The following CSMD1 variants were observed in gnomAD, a reference collection of about 807,000 sequenced individuals.
CSMD1 encodes CUB and Sushi multiple domains 1.
In CSMD1, 213 loss-of-function variants were observed where a neutral mutation model predicts 417.5. That is an observed-to-expected ratio of 0.51 (90% CI 0.46 to 0.57). The LOEUF (loss-of-function observed/expected upper bound fraction) is 0.57, where lower values mean the gene tolerates loss of function less well. Among genes scored for constraint, CSMD1 ranks in the 20% least tolerant of loss-of-function variants. CSMD1 has a pLI of 0.00. For missense variants in CSMD1, 6,923 were observed against 4,529.7 expected, an observed-to-expected ratio of 1.53 and a Z score of -15.17; for synonymous variants, 2,862 against 1,736.8, an observed-to-expected ratio of 1.65 and a Z score of -16.11.
chr8:3,772,015 T>C (rs1280411498), intron 5 of CSMD1, among the ~76,000 whole-genome samples: 1 of 151,902 alleles, frequency 6.6e-6, no homozygotes, highest in African/African-American at 2.4e-5. Flanking sequence ...TACCCTCCTT[T>C]GAAATGGATC....
intron 36 of CSMD1, among the ~76,000 whole-genome samples, chr8:3,184,728 T>A (rs1821637310): frequency 6.6e-6 from 1 of 152,210 alleles, no homozygotes; most frequent in South Asian, 2.1e-4. Context: ...ATGGGGAAAT[T>A]TAATCTTTAC....
At chr8:3,215,504 G>A (rs961951777) in intron 29 of CSMD1, among the ~76,000 whole-genome samples, 4 of 152,170 alleles carry the variant, frequency 2.6e-5, no homozygotes, top group Non-Finnish European at 5.9e-5. Flanking sequence ...AAAACTCAAG[G>A]AAAGTTAAGT....
intron 46 of CSMD1, among the ~76,000 whole-genome samples, chr8:3,103,749 T>TCAAA (rs1815924476): frequency 1.3e-5 from 2 of 150,516 alleles, no homozygotes; most frequent in Non-Finnish European, 3.0e-5. Context: ...CTTTTTTTTT[T>TCAAA]AAAAAAAAAA....
At chr8:3,263,162 G>C (rs1199091622) in intron 26 of CSMD1, among the ~76,000 whole-genome samples, 1 of 152,112 alleles carries the variant, frequency 6.6e-6, no homozygotes. Flanking sequence ...GCAGTGGCAT[G>C]ATCGCAGCTC....
At chr8:4,193,738 G>T (rs989625057) in intron 3 of CSMD1, among the ~76,000 whole-genome samples, 2 of 152,140 alleles carry the variant, frequency 1.3e-5, no homozygotes, top group African/African-American at 2.4e-5. Context: ...ACAGGAGAAT[G>T]TTTAACAAGT....
chr8:3,005,108 C>T (rs911164889), intron 52 of CSMD1, among the ~76,000 whole-genome samples: 8 of 152,122 alleles, frequency 5.3e-5, no homozygotes, highest in African/African-American at 1.9e-4. Flanking sequence ...CACTGCACTC[C>T]AGCCTGGACG....
chr8:3,526,974 C>G (rs1240214664), intron 10 of CSMD1, among the ~76,000 whole-genome samples: 2 of 152,070 alleles, frequency 1.3e-5, no homozygotes, highest in Non-Finnish European at 2.9e-5. Context: ...GTGCAGCCCT[C>G]TGGAGGGTGG....
At chr8:3,693,928 A>T (rs918484924) in intron 7 of CSMD1, among the ~76,000 whole-genome samples, 4 of 146,474 alleles carry the variant, frequency 2.7e-5, no homozygotes, top group African/African-American at 1.0e-4. Context: ...TGTGTTTGTT[A>T]TGGTGTGTGC....
rs530505294 is a variant in CSMD1 at position 3,274,651 on chromosome 8, C to G, written c.4153+9493G>C. 9.6e-4 allele frequency among the ~76,000 whole-genome samples: 146 copies of G among 152,246 alleles called. 1 individual carries two copies. The highest frequency in any genetic ancestry group is 3.2e-3 in the African/African-American group (135 of 41,554). On this transcript the variant is annotated intron_variant, in intron 26 of 69. Transcript: ENST00000635120. ...TATATATTTAGGATAGTTAGCCCTT[C>G]TTGTTGAATTGATCCCTTTACCATT...
intron 5 of CSMD1, among the ~76,000 whole-genome samples, chr8:3,960,002 C>T (rs964842052): frequency 1.3e-5 from 2 of 152,102 alleles, no homozygotes; most frequent in Non-Finnish European, 2.9e-5. Context: ...ACAGTATGTG[C>T]GTGAAGCTAT....
chr8:3,508,899 C>A (rs767193486), intron 10 of CSMD1, among the ~76,000 whole-genome samples: 1 of 152,130 alleles, frequency 6.6e-6, no homozygotes, highest in Non-Finnish European at 1.5e-5. Flanking sequence ...CAGGAATGAT[C>A]CATGGACCCT....
intron 1 of CSMD1, among the ~76,000 whole-genome samples, chr8:4,898,941 G>C (rs141792730): frequency 6.6e-4 from 101 of 152,212 alleles, no homozygotes; most frequent in African/African-American, 2.3e-3. Flanking sequence ...ATTTTATTCT[G>C]AGATTACAGT....
intron 12 of CSMD1, among the ~76,000 whole-genome samples, chr8:3,432,615 A>AAG (rs1367797460): frequency 6.7e-6 from 1 of 149,098 alleles, no homozygotes; most frequent in African/African-American, 2.5e-5. Flanking sequence ...TCCCGGGATC[A>AAG]AGAGATTCTC....
chr8:3,976,934 T>C (rs537229941), intron 5 of CSMD1, among the ~76,000 whole-genome samples: 16 of 152,304 alleles, frequency 1.1e-4, no homozygotes, highest in Admixed American at 9.2e-4. Flanking sequence ...TAGTGTCTAG[T>C]ACAGATTTGT....
chr8:3,206,664 G>GC lies in CSMD1; in HGVS notation c.4868-1045_4868-1044insG, dbSNP rs112619572. Among the ~76,000 whole-genome samples the GC allele has an allele frequency of 3.8e-3, 520 of 135,742 alleles. 1 individual carries two copies. Among genetic ancestry groups the GC allele is most frequent in the Middle Eastern group, 0.012 (3 of 256 alleles). 89.1% of individuals were successfully genotyped at this position (135,742 alleles called of 152,430 possible). A position where few individuals can be genotyped will look rare whatever the true frequency, so the allele number is the denominator to read the frequency against. ...TGTGTGTGGGTGTATGTGTGTGGGG[G>GC]TATGTCTGTGTGTGTGTGTATATGT... is the stretch of plus-strand genomic sequence containing the variant. On this transcript the variant is annotated intron_variant, in intron 30 of 69. Transcript: ENST00000635120.
intron 8 of CSMD1, among the ~76,000 whole-genome samples, chr8:3,600,932 A>G (rs996115878): frequency 5.9e-5 from 9 of 152,368 alleles, no homozygotes; most frequent in African/African-American, 7.2e-5. Context: ...AAATGTGGAT[A>G]GAGAGGAAGG....
chr8:3,287,254 C>T (rs1418237873), intron 25 of CSMD1, among the ~76,000 whole-genome samples: 1 of 151,140 alleles, frequency 6.6e-6, no homozygotes, highest in Admixed American at 6.7e-5. Context: ...CAGCTTTGTT[C>T]TTTTGGCTTA....
At chr8:3,434,746 T>C (rs567449528) in intron 12 of CSMD1, among the ~76,000 whole-genome samples, 2 of 152,308 alleles carry the variant, frequency 1.3e-5, no homozygotes, top group South Asian at 4.1e-4. Context: ...CATCCGCAGA[T>C]AGCTTGTCTG....
At chr8:3,770,871 ATTT>A (rs748198491) in intron 5 of CSMD1, among the ~76,000 whole-genome samples, 3 of 152,140 alleles carry the variant, frequency 2.0e-5, no homozygotes, top group Non-Finnish European at 4.4e-5. Context: ...TGTAGCTCAT[ATTT>A]TTTAGTCTCA....
Sources: gnomAD v4.1 joint callset for allele counts (sites outside exome capture counted in the v4.1 genomes callset) on GRCh38, gnomAD v4.1.1 for gene constraint, MANE v1.5 for transcripts, NCBI Gene and HGNC (gene_info 2026-07-23, HGNC 2026-07-21) for gene names.